The following CDC14B variants were observed in gnomAD, a reference collection of about 807,000 sequenced individuals.
CDC14B encodes the protein dual specificity protein phosphatase CDC14B.
A neutral mutation model predicts 64.2 loss-of-function variants in CDC14B; 22 were observed. That is an observed-to-expected ratio of 0.34 (90% confidence interval 0.24 to 0.49). The LOEUF (loss-of-function observed/expected upper bound fraction) is 0.49, where lower values mean the gene tolerates loss of function less well. Among genes scored for constraint, CDC14B ranks in the 20% least tolerant of loss-of-function variants. The probability of loss-of-function intolerance (pLI) is 0.99; values close to 1 mark genes in which losing one functional copy is unlikely to be tolerated. For missense variants in CDC14B, 498 were observed against 629.9 expected, an observed-to-expected ratio of 0.79 and a Z score of 2.24; for synonymous variants, 191 against 215.8, an observed-to-expected ratio of 0.89 and a Z score of 1.01.
intron 9 of CDC14B, among the ~76,000 whole-genome samples, chr9:96,527,102 GTTATTTTAAAT>G (rs1246358982): frequency 6.6e-6 from 1 of 152,168 alleles, no homozygotes; most frequent in African/African-American, 2.4e-5. Flanking sequence ...GTTTAAGACA[GTTATTTTAAAT>G]TCTGTATTGG....
intron 4 of CDC14B, among the ~76,000 whole-genome samples, chr9:96,558,533 T>C (rs1209168117): frequency 2.0e-5 from 3 of 152,226 alleles, no homozygotes; most frequent in Non-Finnish European, 4.4e-5. Flanking sequence ...TTTCTAGAAA[T>C]ATAAAAACTT....
chr9:96,618,449 T>C (rs1433809002), intron 1 of CDC14B: 1 of 531,300 alleles, frequency 1.9e-6, no homozygotes, highest in South Asian at 1.4e-5. Flanking sequence ...CCAAGAACAG[T>C]CGAATCAGCA....
At chr9:96,527,427 G>T (rs567534061) in intron 9 of CDC14B, among the ~76,000 whole-genome samples, 1 of 151,984 alleles carries the variant, frequency 6.6e-6, no homozygotes, top group African/African-American at 2.4e-5. Context: ...ATTCTGTATT[G>T]GTTAATTCGG....
chr9:96,524,499 A>G (rs1367063560), intron 9 of CDC14B, among the ~76,000 whole-genome samples: 1 of 152,146 alleles, frequency 6.6e-6, no homozygotes, highest in Non-Finnish European at 1.5e-5. Context: ...TTTCACTCAG[A>G]TTTTTTTAAA....
chr9:96,578,480 G>A (rs1207633605), intron 1 of CDC14B, among the ~76,000 whole-genome samples: 1 of 152,220 alleles, frequency 6.6e-6, no homozygotes, highest in Non-Finnish European at 1.5e-5. Flanking sequence ...GTGATGTCGT[G>A]TGGATTTCAT....
chr9:96,591,665 T>G (rs1845800206), intron 1 of CDC14B, among the ~76,000 whole-genome samples: 1 of 152,312 alleles, frequency 6.6e-6, no homozygotes, highest in African/African-American at 2.4e-5. Flanking sequence ...GCAGATAGCT[T>G]TAGGTAGTTA....
chr9:96,508,950 G>A (rs1173569549), intron 13 of CDC14B, among the ~76,000 whole-genome samples: 2 of 152,162 alleles, frequency 1.3e-5, no homozygotes, highest in African/African-American at 2.4e-5. Flanking sequence ...TTACCAGGAG[G>A]ACAGAAACAG....
rs1833692669 is a variant in CDC14B, at chr9:96,503,001, G to A, written c.*752C>T. 5.0e-6 allele frequency: 2 copies of A among 397,060 alleles called. No homozygotes were observed. Among genetic ancestry groups the A allele is most frequent in the Non-Finnish European group, 8.9e-6 (2 of 225,080 alleles). The allele number at this position is 397,060 out of a possible 1,614,324, so 24.6% of individuals were successfully genotyped here. On this transcript the variant is annotated 3_prime_UTR_variant, in exon 14 of 14. Coordinates refer to ENST00000375241, the MANE Select transcript of CDC14B (RefSeq NM_033331.4). ...CAATGGGCAGCCTCCCAGTTCTTCA[G>A]TCCCTGAAGGACAGAAAAAGGAACG...
intron 12 of CDC14B, among the ~76,000 whole-genome samples, chr9:96,520,629 T>C (rs191704524): frequency 3.6e-4 from 55 of 152,346 alleles, no homozygotes; most frequent in African/African-American, 1.1e-3. Flanking sequence ...AACTTGACTT[T>C]TGAACAGCAG....
intron 1 of CDC14B, among the ~76,000 whole-genome samples, chr9:96,611,120 C>T (rs562341792): frequency 4.0e-5 from 6 of 150,782 alleles, no homozygotes; most frequent in Admixed American, 1.3e-4. Flanking sequence ...GAGAAAAGGG[C>T]GTAAAACTTT....
intron 5 of CDC14B, 83 bp downstream of exon 5, chr9:96,551,713 T>C (rs1030521753): frequency 8.4e-6 from 13 of 1,551,720 alleles, no homozygotes; most frequent in African/African-American, 1.4e-5. Context: ...ATTTACCAGA[T>C]CTTCTTTTTT....
At chr9:96,589,344 A>C (rs1051298183) in intron 1 of CDC14B, among the ~76,000 whole-genome samples, 2 of 152,136 alleles carry the variant, frequency 1.3e-5, no homozygotes, top group Non-Finnish European at 2.9e-5. Flanking sequence ...GTCTTAAAAA[A>C]AAAAAAAATA....
intron 1 of CDC14B, among the ~76,000 whole-genome samples, chr9:96,577,435 T>C (rs1029666618): frequency 2.0e-5 from 3 of 152,148 alleles, no homozygotes; most frequent in Non-Finnish European, 4.4e-5. Flanking sequence ...AACAAAAATC[T>C]GAAGAAAATG....
intron 1 of CDC14B, among the ~76,000 whole-genome samples, chr9:96,616,365 C>CCAGAAACTTGAATGTGCA (rs1847627902): frequency 6.6e-6 from 1 of 151,798 alleles, no homozygotes; most frequent in Non-Finnish European, 1.5e-5. Context: ...GGCACAATTT[C>CCAGAAACTTGAATGTGCA]CAGAAACTTG....
In CDC14B at chr9:96,608,010, G is replaced by A. The variant is rs1383391919; in HGVS notation, c.160+11209C>T. Reference sequence around the variant, plus strand: ...TTTCCAAGGATCCCATTCATTCAGAGGCACACATCTTGTTTGACTCTCTAT... The same window carrying A: ...TTTCCAAGGATCCCATTCATTCAGAAGCACACATCTTGTTTGACTCTCTAT... On this transcript the variant is annotated intron_variant, in intron 1 of 13. Coordinates refer to ENST00000375241, the MANE Select transcript of CDC14B (RefSeq NM_033331.4). Among the ~76,000 whole-genome samples the A allele has an allele frequency of 7.0e-4, 107 of 152,148 alleles. 1 individual carries two copies. The highest frequency in any genetic ancestry group is 7.3e-5 in the Non-Finnish European group (5 of 68,028).
chr9:96,588,565 C>T (rs754596725), intron 1 of CDC14B, among the ~76,000 whole-genome samples: 4 of 152,288 alleles, frequency 2.6e-5, no homozygotes, highest in South Asian at 2.1e-4. Flanking sequence ...AGGCTCACTG[C>T]GGCCTCCACC....
intron 12 of CDC14B, 42 bp from the exon 13 acceptor site, chr9:96,509,831 C>T: frequency 7.9e-7 from 1 of 1,260,478 alleles, no homozygotes; most frequent in Middle Eastern, 2.0e-4. Flanking sequence ...TTCACTGAAA[C>T]CATTTGCAAA....
intron 1 of CDC14B, among the ~76,000 whole-genome samples, chr9:96,589,153 C>G (rs1430261868): frequency 1.3e-5 from 2 of 151,702 alleles, no homozygotes; most frequent in Admixed American, 1.3e-4. Context: ...CTGGGCAACA[C>G]AGTGAAACCC....
In CDC14B at chr9:96,539,105, A is replaced by T. The variant is rs375684489; in HGVS notation, c.600T>A (p.Phe200Leu). ...MQYGFLNFNS[F>L]NLDEYEHYEK... ...CATAGTGTTCATATTCATCAAGGTT[A>T]AATGAGTTGAAATTAAGGAAGCCAT... is the stretch of plus-strand genomic sequence containing the variant. Residue 200 changes from phenylalanine to leucine, a missense_variant, in exon 7 of 14, where the codon TTT becomes TTA. Transcript: ENST00000375241. The T allele has an allele frequency of 1.9e-6, 3 of 1,610,186 alleles. No homozygotes were observed. In the African/African-American group the frequency reaches 4.0e-5, roughly 22 times the overall value.
Sources: allele counts gnomAD v4.1 joint callset (sites outside exome capture counted in the v4.1 genomes callset), GRCh38; gene constraint gnomAD v4.1.1; transcripts MANE v1.5; gene names NCBI Gene and HGNC (gene_info 2026-07-23, HGNC 2026-07-21).